Variants in TMEM132B observed in about 807,000 individuals in gnomAD.
TMEM132B encodes the protein transmembrane protein 132B.
A neutral mutation model predicts 90.8 loss-of-function variants in TMEM132B; 18 were observed. That is an observed-to-expected ratio of 0.20 (90% CI 0.14 to 0.29). The LOEUF (loss-of-function observed/expected upper bound fraction) is 0.29. Among genes scored for constraint, TMEM132B ranks in the 10% least tolerant of loss-of-function variants. The pLI is 1.00. For synonymous variants in TMEM132B, 504 were observed against 523.3 expected (o/e 0.96, Z 0.50); for missense variants, 1,096 against 1,326.8 (o/e 0.83, Z 2.70).
At chr12:125,212,381 T>C (rs992112383) in intron 1 of TMEM132B, among the ~76,000 whole-genome samples, 8 of 152,100 alleles carry the variant, frequency 5.3e-5, no homozygotes, top group African/African-American at 1.9e-4. Flanking sequence ...CTTGCTATAT[T>C]GCACAGTCTG....
intron 3 of TMEM132B, among the ~76,000 whole-genome samples, chr12:125,500,148 A>AAG (rs1266263410): frequency 2.6e-5 from 4 of 152,308 alleles, no homozygotes; most frequent in Middle Eastern, 3.4e-3. Flanking sequence ...CCTGGGAACA[A>AAG]AGAGAGAGCC....
At chr12:125,314,835 T>G (rs906368294) in intron 1 of TMEM132B, among the ~76,000 whole-genome samples, 7 of 152,222 alleles carry the variant, frequency 4.6e-5, no homozygotes, top group African/African-American at 1.7e-4. Flanking sequence ...GAGAAATGTC[T>G]TCTTTGTGCA....
At chr12:125,621,095 G>A (rs532866217) in intron 5 of TMEM132B, among the ~76,000 whole-genome samples, 1 of 152,262 alleles carries the variant, frequency 6.6e-6, no homozygotes, top group South Asian at 2.1e-4. Flanking sequence ...AGTCTGTTGT[G>A]GTGCCAGGTG....
At chr12:125,373,409 C>T (rs1031404841) in intron 2 of TMEM132B, among the ~76,000 whole-genome samples, 7 of 152,046 alleles carry the variant, frequency 4.6e-5, no homozygotes, top group South Asian at 2.1e-4. Flanking sequence ...GGCTTTAATC[C>T]GATACCTTCT....
chr12:125,499,762 A>G, intron 3 of TMEM132B, among the ~76,000 whole-genome samples: 1 of 152,302 alleles, frequency 6.6e-6, no homozygotes, highest in Non-Finnish European at 1.5e-5. Context: ...ATTGTTTGTA[A>G]CAAGCTTTTG....
intron 1 of TMEM132B, among the ~76,000 whole-genome samples, chr12:125,220,852 A>G (rs1053736341): frequency 2.6e-5 from 4 of 152,300 alleles, no homozygotes; most frequent in African/African-American, 9.6e-5. Flanking sequence ...GTAAAAACCC[A>G]CAGTCCTGAG....
rs529663112 is a variant in TMEM132B at position 125,273,470 on chromosome 12, C to T, written c.68-75982C>T. Among the ~76,000 whole-genome samples the T allele has an allele frequency of 1.8e-4, 28 of 152,182 alleles. No homozygotes were observed. The East Asian group carries it at 5.0e-3, about 27-fold the overall frequency. ...GGCATGGTTGCTCATGCCTGTAGTC[C>T]CAGCTACTTGGGAGGCTGAGGTGAG... On this transcript the variant is annotated intron_variant, in intron 1 of 8. Transcript: ENST00000682704.
In TMEM132B at chr12:125,324,160, C is replaced by A. The variant is rs568949601; in HGVS notation, c.68-25292C>A. On this transcript the variant is annotated intron_variant, in intron 1 of 8. Transcript: ENST00000682704. ...GAATTCTCTGCAAAATGTCAAATCT[C>A]TGTTCAATAACTTTCAAATGCCACA... Among the ~76,000 whole-genome samples, 59 of 152,320 alleles carry A rather than the reference C, an allele frequency of 3.9e-4. 1 individual carries two copies. The South Asian group carries it at 5.8e-3, about 15-fold the overall frequency.
At chr12:125,534,056 C>T (rs915160857) in intron 4 of TMEM132B, among the ~76,000 whole-genome samples, 8 of 152,248 alleles carry the variant, frequency 5.3e-5, no homozygotes, top group Non-Finnish European at 8.8e-5. Context: ...GGCCGGCGAA[C>T]TTCATACTTC....
At chr12:125,509,248 G>A (rs1387428216) in intron 3 of TMEM132B, among the ~76,000 whole-genome samples, 1 of 152,216 alleles carries the variant, frequency 6.6e-6, no homozygotes, top group African/African-American at 2.4e-5. Flanking sequence ...TATCAGAGGT[G>A]TGGTGGGTCC....
intron 1 of TMEM132B, among the ~76,000 whole-genome samples, chr12:125,309,928 C>G (rs1389494061): frequency 4.6e-5 from 7 of 152,128 alleles, no homozygotes; most frequent in Non-Finnish European, 1.0e-4. Flanking sequence ...AGGGCTCACT[C>G]GAATGTCTGG....
intron 5 of TMEM132B, among the ~76,000 whole-genome samples, chr12:125,597,451 A>G (rs970085348): frequency 1.3e-5 from 2 of 152,038 alleles, no homozygotes; most frequent in African/African-American, 4.8e-5. Flanking sequence ...GTAATTTCTA[A>G]CTCTCTTAGA....
chr12:125,550,269 G>C (rs1236474609), intron 4 of TMEM132B, among the ~76,000 whole-genome samples: 1 of 152,174 alleles, frequency 6.6e-6, no homozygotes, highest in Non-Finnish European at 1.5e-5. Flanking sequence ...CAGGCTGGGG[G>C]GCGGGCACAC....
intron 1 of TMEM132B, among the ~76,000 whole-genome samples, chr12:125,190,889 T>C (rs1364414213): frequency 9.3e-5 from 2 of 21,586 alleles, no homozygotes; most frequent in Non-Finnish European, 1.6e-4. Flanking sequence ...GTGATGGTGA[T>C]GGGGAAGGGG....
chr12:125,602,574 C>T (rs919315020), intron 5 of TMEM132B, among the ~76,000 whole-genome samples: 25 of 152,340 alleles, frequency 1.6e-4, no homozygotes, highest in African/African-American at 6.0e-4. Context: ...TGCCCTCTCT[C>T]ACCACTCCTA....
chr12:125,353,201 A>T (rs924701011), intron 2 of TMEM132B, among the ~76,000 whole-genome samples: 1 of 151,332 alleles, frequency 6.6e-6, no homozygotes, highest in Non-Finnish European at 1.5e-5. Context: ...CATGGCAGAC[A>T]TTACCAATCA....
intron 4 of TMEM132B, among the ~76,000 whole-genome samples, chr12:125,533,948 C>G (rs1435510368): frequency 1.3e-5 from 2 of 152,132 alleles, no homozygotes; most frequent in Non-Finnish European, 1.5e-5. Context: ...CTCAGCACCC[C>G]CGATAGAGCC....
At chr12:125,461,532 A>C (rs1029687128) in intron 3 of TMEM132B, among the ~76,000 whole-genome samples, 2 of 152,256 alleles carry the variant, frequency 1.3e-5, no homozygotes, top group Non-Finnish European at 2.9e-5. Flanking sequence ...GACCACACCA[A>C]CTTCTGTTGA....
chr12:125,225,069 G>T (rs1873647153), intron 1 of TMEM132B, among the ~76,000 whole-genome samples: 1 of 152,232 alleles, frequency 6.6e-6, no homozygotes. Context: ...GGAGTGGAGG[G>T]AGGAGGGCAC....
Sources: allele counts gnomAD v4.1 joint callset (sites outside exome capture counted in the v4.1 genomes callset), GRCh38; gene constraint gnomAD v4.1.1; transcripts MANE v1.5; gene names NCBI Gene and HGNC (gene_info 2026-07-23, HGNC 2026-07-21).